The following EHF variants were observed in gnomAD, a reference collection of about 807,000 sequenced individuals.
EHF encodes the protein ETS homologous factor, also known as ESE3 transcription factor.
In EHF, 14 loss-of-function variants were observed where a neutral mutation model predicts 45.1. The ratio of observed to expected loss-of-function variants is 0.31; its 90% CI spans 0.21 to 0.49. EHF has a LOEUF of 0.49. Ranked by LOEUF, EHF falls within the 20% of genes least tolerant of loss-of-function variation. The pLI, the probability that EHF is intolerant of heterozygous loss-of-function variation, is 0.99. For synonymous variants in EHF, 136 were observed against 131.8 expected (o/e 1.03, Z -0.22); for missense variants, 282 against 371.4 (o/e 0.76, Z 1.98).
chr11:34,648,808 T>C (rs1353379010), intron 3 of EHF, among the ~76,000 whole-genome samples: 1 of 152,176 alleles, frequency 6.6e-6, no homozygotes. Flanking sequence ...GCTTCTAAGG[T>C]AGTGCCTTAG....
At position 34,659,882 on chromosome 11, in the gene EHF, A is replaced by T. The variant is rs553333205; in HGVS notation, c.*951A>T. 1 of 152,272 alleles carries T rather than the reference A, an allele frequency of 6.6e-6. No homozygotes were observed. The highest frequency in any genetic ancestry group is 6.5e-5 in the Admixed American group (1 of 15,284). 9.4% of individuals were successfully genotyped at this position (152,272 alleles called of 1,614,324 possible). The stretch of plus-strand genomic sequence containing the variant: ...TGTGCATTGTAAGATGTTCAGCAGT[A>T]TCCACTCATGGTCTCTAACCACTTG... On this transcript the variant is annotated 3_prime_UTR_variant, in exon 9 of 9. Transcript: ENST00000257831.
intron 1 of EHF, among the ~76,000 whole-genome samples, chr11:34,640,672 T>C (rs1401002599): frequency 6.6e-6 from 1 of 152,190 alleles, no homozygotes; most frequent in African/African-American, 2.4e-5. Context: ...ACCCAGTTAT[T>C]ATGAAAAAGG....
chr11:34,650,044 G>A (rs1282334166), intron 4 of EHF, among the ~76,000 whole-genome samples: 1 of 152,238 alleles, frequency 6.6e-6, no homozygotes, highest in Non-Finnish European at 1.5e-5. Context: ...CAGGGGATGG[G>A]CCATCTGGAT....
At chr11:34,634,573 C>A (rs1001422652) in intron 1 of EHF, among the ~76,000 whole-genome samples, 1 of 152,156 alleles carries the variant, frequency 6.6e-6, no homozygotes. Context: ...TGGTGGTTCC[C>A]AGTGTACCTT....
In EHF at chr11:34,651,644, A is replaced by G. The variant is rs1565043216; in HGVS notation, c.475+34A>G. On this transcript the variant is annotated intron_variant, in intron 5 of 8. Coordinates refer to ENST00000257831, the MANE Select transcript of EHF (RefSeq NM_012153.6). Reference sequence around the variant, plus strand: ...CTCCCTGACACTTAAGGCCCTTTACATTCTTATTCAGTTTGTCTAAGAGCC... The same window carrying G: ...CTCCCTGACACTTAAGGCCCTTTACGTTCTTATTCAGTTTGTCTAAGAGCC... 1.4e-5 allele frequency: 23 copies of G among 1,609,014 alleles called. No individual in the cohort carries two copies. The East Asian group carries it at 4.5e-4, about 31-fold the overall frequency.
At chr11:34,631,711 G>A (rs1852906465) in intron 1 of EHF, 1 of 321,674 alleles carries the variant, frequency 3.1e-6, no homozygotes. Flanking sequence ...TTTTGCCCAG[G>A]GCTGGATGTA....
At chr11:34,642,805 T>C in intron 2 of EHF, 78 bp downstream of exon 2, 1 of 1,076,930 alleles carries the variant, frequency 9.3e-7, no homozygotes, top group Non-Finnish European at 1.4e-6. Context: ...CAACCTAATG[T>C]TTGAAAAATA....
At chr11:34,647,042 T>TAA in intron 3 of EHF, 1 of 230,766 alleles carries the variant, frequency 4.3e-6, no homozygotes, top group Non-Finnish European at 8.0e-6. Flanking sequence ...TCATCATGGT[T>TAA]ACAAAAAAAA....
At chr11:34,654,147 C>A (rs544246006) in intron 6 of EHF, among the ~76,000 whole-genome samples, 9 of 152,206 alleles carry the variant, frequency 5.9e-5, no homozygotes, top group Non-Finnish European at 1.2e-4. Context: ...TTGCTTCTTG[C>A]GAAGCAGCTT....
At chr11:34,630,327 C>T (rs955167387) in intron 1 of EHF, among the ~76,000 whole-genome samples, 5 of 152,080 alleles carry the variant, frequency 3.3e-5, no homozygotes, top group Non-Finnish European at 7.3e-5. Context: ...CTTAACCTCT[C>T]TCTGTAAAAT....
intron 1 of EHF, among the ~76,000 whole-genome samples, chr11:34,634,017 T>C (rs1853155688): frequency 6.6e-6 from 1 of 152,198 alleles, no homozygotes; most frequent in Admixed American, 6.5e-5. Context: ...ATGTTGCCCC[T>C]GGGAACGTGA....
intron 6 of EHF, among the ~76,000 whole-genome samples, chr11:34,655,264 T>C (rs181668959): frequency 6.6e-6 from 1 of 152,160 alleles, no homozygotes; most frequent in Non-Finnish European, 1.5e-5. Flanking sequence ...CATCCTGCCA[T>C]GACGTTTCGA....
intron 1 of EHF, among the ~76,000 whole-genome samples, chr11:34,627,225 A>G (rs1440574346): frequency 6.6e-6 from 1 of 151,940 alleles, no homozygotes; most frequent in Non-Finnish European, 1.5e-5. Flanking sequence ...TAGCAGGGAG[A>G]TGCATGAACC....
Position 34,659,068 on chromosome 11 carries a change from C to G in EHF, c.*137C>G. ...GAGGGGAACAAGAAACTACTTCTAA[C>G]GGGAAGAAGAAACACTACGGTCGAT... On this transcript the variant is annotated 3_prime_UTR_variant, in exon 9 of 9. Coordinates refer to ENST00000257831, the MANE Select transcript of EHF (RefSeq NM_012153.6). 1.6e-6 allele frequency: 1 copy of G among 644,316 alleles called. No individual in the cohort carries two copies. The highest frequency in any genetic ancestry group is 2.6e-6 in the Non-Finnish European group (1 of 389,076). The allele number at this position is 644,316 out of a possible 1,614,324, so 39.9% of individuals were successfully genotyped here.
chr11:34,624,238 G>A (rs1268899129), intron 1 of EHF: 1 of 984,922 alleles, frequency 1.0e-6, no homozygotes, highest in African/African-American at 1.7e-5. Flanking sequence ...CTCCACTGCA[G>A]CCTGGGTGTC....
intron 1 of EHF, among the ~76,000 whole-genome samples, chr11:34,639,873 T>G (rs1421284749): frequency 2.0e-5 from 3 of 152,136 alleles, no homozygotes; most frequent in African/African-American, 7.2e-5. Flanking sequence ...CCCTGTAGTC[T>G]TAAAGGCATC....
At chr11:34,639,484 A>T (rs900429190) in intron 1 of EHF, among the ~76,000 whole-genome samples, 10 of 152,210 alleles carry the variant, frequency 6.6e-5, no homozygotes, top group African/African-American at 2.4e-4. Context: ...CAGTCCTGTG[A>T]GGCTGTTGGG....
rs933025113 is a variant in EHF at position 34,646,368 on chromosome 11, A to G, written c.98-71A>G. On this transcript the variant is annotated intron_variant, in intron 2 of 8. Coordinates refer to ENST00000257831, the MANE Select transcript of EHF (RefSeq NM_012153.6). ...TCTGAGATATCTGGCAGCCAACAGT[A>G]CATCCCTGTGTCAGATACTATGGCC... is the stretch of plus-strand genomic sequence containing the variant. 31 of 1,597,274 alleles carry G rather than the reference A, an allele frequency of 1.9e-5. No individual in the cohort carries two copies. The Admixed American group carries it at 5.2e-4, about 27-fold the overall frequency.
chr11:34,656,995 C>T, intron 7 of EHF, 25 bp downstream of exon 7: 1 of 1,612,382 alleles, frequency 6.2e-7, no homozygotes, highest in Non-Finnish European at 8.5e-7. Context: ...TTTCAGATGG[C>T]CTTTGGTCCT....
Sources: allele counts gnomAD v4.1 joint callset (sites outside exome capture counted in the v4.1 genomes callset), GRCh38; gene constraint gnomAD v4.1.1; transcripts MANE v1.5; gene names NCBI Gene and HGNC (gene_info 2026-07-23, HGNC 2026-07-21).